The following HMCN1 variants were observed in gnomAD, a reference collection of about 807,000 sequenced individuals.
HMCN1 encodes hemicentin 1.
Under a neutral mutation model 625.9 loss-of-function variants are expected in HMCN1, and 321 were observed. The observed-to-expected ratio is 0.51, with a 90% CI of 0.47 to 0.56. The LOEUF (loss-of-function observed/expected upper bound fraction) is 0.56. Among genes scored for constraint, HMCN1 ranks in the 20% least tolerant of loss-of-function variants. HMCN1 has a pLI of 0.00. For synonymous variants in HMCN1, 2,425 were observed against 2,417.6 expected (o/e 1.00, Z -0.09); for missense variants, 6,588 against 6,887.3 (o/e 0.96, Z 1.54).
chr1:185,812,114 A>G (rs1297665579), intron 1 of HMCN1, among the ~76,000 whole-genome samples: 8 of 152,002 alleles, frequency 5.3e-5, no homozygotes. Context: ...GCCAACATTA[A>G]AAGTTTTTAT....
At chr1:186,022,189 G>A (rs533318290) in intron 35 of HMCN1, among the ~76,000 whole-genome samples, 2 of 152,234 alleles carry the variant, frequency 1.3e-5, no homozygotes, top group East Asian at 3.9e-4. Flanking sequence ...AGGCTATCCT[G>A]TAAATTTAGG....
intron 55 of HMCN1, among the ~76,000 whole-genome samples, chr1:186,078,630 T>A (rs1452189947): frequency 6.6e-6 from 1 of 152,228 alleles, no homozygotes; most frequent in Non-Finnish European, 1.5e-5. Context: ...AGCTCTAGGC[T>A]TGCATCCTCC....
chr1:186,027,967 G>C (rs949632028), intron 36 of HMCN1, among the ~76,000 whole-genome samples: 5 of 151,942 alleles, frequency 3.3e-5, no homozygotes, highest in African/African-American at 1.2e-4. Context: ...AATGTTGCAG[G>C]GAACCTTTTT....
At chr1:186,037,247 G>A (rs997396443) in intron 36 of HMCN1, among the ~76,000 whole-genome samples, 1 of 151,682 alleles carries the variant, frequency 6.6e-6, no homozygotes, top group African/African-American at 2.4e-5. Context: ...TTTTAATCCT[G>A]GATGTCTCTC....
At chr1:186,017,490 T>G (rs1489798012) in intron 33 of HMCN1, among the ~76,000 whole-genome samples, 2 of 152,060 alleles carry the variant, frequency 1.3e-5, no homozygotes, top group Non-Finnish European at 2.9e-5. Context: ...ACCAATTTTT[T>G]TTCTTCTTCT....
chr1:185,804,235 A>G (rs1302493249), intron 1 of HMCN1, among the ~76,000 whole-genome samples: 4 of 152,100 alleles, frequency 2.6e-5, no homozygotes, highest in Admixed American at 6.5e-5. Flanking sequence ...AACACTAACA[A>G]TTACCCATAG....
intron 1 of HMCN1, among the ~76,000 whole-genome samples, chr1:185,814,101 A>T (rs2102252128): frequency 6.6e-6 from 1 of 152,320 alleles, no homozygotes; most frequent in African/African-American, 2.4e-5. Flanking sequence ...AGTTTTAGAT[A>T]TGGATAGTCA....
At position 186,182,235 on chromosome 1, in the gene HMCN1, G is replaced by C. The variant is rs755334966; in HGVS notation, c.16362G>C (p.Gln5454His). 1 of 1,613,508 alleles carries C rather than the reference G, an allele frequency of 6.2e-7. No individual in the cohort carries two copies. Among genetic ancestry groups the C allele is most frequent in the South Asian group, 1.1e-5 (1 of 91,082 alleles). Residue 5454 changes from glutamine (Q) to histidine (H), a missense_variant, in exon 105 of 107, where the codon CAG (glutamine) becomes CAC (histidine). Physicochemically the swap from Gln to His is conservative, Grantham distance 24 (BLOSUM62 0). Transcript: ENST00000271588. ...GTAAGAATACCTTTGGAAGTTATCA[G>C]TGCATCTGCCCACCTGGCTATCAAC... is the stretch of plus-strand genomic sequence containing the variant. ...HECKNTFGSYQCICPPGYQLT... is the reference protein window; with the variant it reads ...HECKNTFGSYHCICPPGYQLT...
chr1:185,933,865 G>GTCC, intron 11 of HMCN1, 41 bp downstream of exon 11: 7 of 1,595,164 alleles, frequency 4.4e-6, no homozygotes, highest in Non-Finnish European at 6.0e-6. Flanking sequence ...ACATCTTTCT[G>GTCC]TCCTCTATTT....
At chr1:185,819,262 C>T (rs1253252745) in intron 1 of HMCN1, among the ~76,000 whole-genome samples, 1 of 149,106 alleles carries the variant, frequency 6.7e-6, no homozygotes, top group African/African-American at 2.6e-5. Context: ...GGACCTGCTG[C>T]TAGCTTGATG....
chr1:186,171,980 T>C, intron 101 of HMCN1, 26 bp from the exon 102 acceptor site: 2 of 1,608,790 alleles, frequency 1.2e-6, no homozygotes, highest in Admixed American at 1.7e-5. Flanking sequence ...TTTCTTAATC[T>C]ACATTACCTT....
At chr1:186,183,457 G>A (rs766137865) in intron 105 of HMCN1, among the ~76,000 whole-genome samples, 27 of 152,226 alleles carry the variant, frequency 1.8e-4, no homozygotes, top group South Asian at 2.1e-4. Flanking sequence ...AATAACTTTC[G>A]CTTTGGGCCA....
intron 6 of HMCN1, among the ~76,000 whole-genome samples, chr1:185,915,378 G>A (rs541630268): frequency 1.6e-4 from 25 of 151,974 alleles, no homozygotes; most frequent in Non-Finnish European, 3.2e-4. Context: ...AAACTCTTGA[G>A]CCAAATTTTG....
intron 29 of HMCN1, among the ~76,000 whole-genome samples, chr1:186,004,140 C>G (rs968985052): frequency 6.6e-6 from 1 of 152,108 alleles, no homozygotes; most frequent in Non-Finnish European, 1.5e-5. Context: ...AAGATCTAAA[C>G]ATGAGATGAT....
intron 1 of HMCN1, among the ~76,000 whole-genome samples, chr1:185,802,000 T>A (rs1658826487): frequency 6.6e-6 from 1 of 152,118 alleles, no homozygotes; most frequent in Non-Finnish European, 1.5e-5. Flanking sequence ...TAGTGAATGA[T>A]GGAAGAAATG....
chr1:186,010,060 G>A (rs566755402), intron 30 of HMCN1, among the ~76,000 whole-genome samples: 6 of 152,174 alleles, frequency 3.9e-5, no homozygotes, highest in South Asian at 2.1e-4. Flanking sequence ...TTGCTCGTCC[G>A]TCACCTCCTG....
intron 24 of HMCN1, among the ~76,000 whole-genome samples, chr1:185,997,192 A>G (rs1652849991): frequency 6.6e-6 from 1 of 152,146 alleles, no homozygotes; most frequent in Admixed American, 6.6e-5. Flanking sequence ...TGAGGGAATA[A>G]GGGAACAGAA....
chr1:186,093,311 G>A, intron 65 of HMCN1, 53 bp downstream of exon 65: 1 of 1,610,364 alleles, frequency 6.2e-7, no homozygotes, highest in Admixed American at 1.7e-5. Context: ...GAATCTACCA[G>A]TAGAAGTGAA....
intron 15 of HMCN1, among the ~76,000 whole-genome samples, chr1:185,974,756 C>T (rs1651075966): frequency 6.6e-6 from 1 of 152,126 alleles, no homozygotes; most frequent in South Asian, 2.1e-4. Context: ...CTGGTATTCT[C>T]ATTTGCCTTG....
Sources: allele counts gnomAD v4.1 joint callset (sites outside exome capture counted in the v4.1 genomes callset), GRCh38; gene constraint gnomAD v4.1.1; transcripts MANE v1.5; gene names NCBI Gene and HGNC (gene_info 2026-07-23, HGNC 2026-07-21).